PTPRM: variants seen among roughly 807,000 people sequenced by gnomAD.
PTPRM encodes protein tyrosine phosphatase receptor type M.
Under a neutral mutation model 186.7 loss-of-function variants are expected in PTPRM, and 47 were observed. The ratio of observed to expected loss-of-function variants is 0.25; its 90% CI spans 0.20 to 0.32. PTPRM has a LOEUF of 0.32. Among genes scored for constraint, PTPRM ranks in the 10% least tolerant of loss-of-function variants. The pLI, the probability that PTPRM is intolerant of heterozygous loss-of-function variation, is 1.00. For missense variants in PTPRM, 1,494 were observed against 1,865.0 expected (o/e 0.80, Z 3.66); for synonymous variants, 668 against 674.9 (o/e 0.99, Z 0.16).
chr18:7,841,771 G>A (rs1436558961), intron 2 of PTPRM, among the ~76,000 whole-genome samples: 1 of 152,136 alleles, frequency 6.6e-6, no homozygotes, highest in Non-Finnish European at 1.5e-5. Context: ...CCTTGTAGGT[G>A]ATTTGAGCAT....
intron 5 of PTPRM, among the ~76,000 whole-genome samples, chr18:7,933,985 G>T (rs1440359853): frequency 6.6e-6 from 1 of 152,120 alleles, no homozygotes; most frequent in Non-Finnish European, 1.5e-5. Flanking sequence ...CTTTGCCTAG[G>T]TTTTCTTATT....
intron 22 of PTPRM, among the ~76,000 whole-genome samples, chr18:8,335,458 C>T (rs1360692036): frequency 6.6e-6 from 1 of 152,166 alleles, no homozygotes; most frequent in Non-Finnish European, 1.5e-5. Context: ...AATTATGCAC[C>T]TGCTCTAAAC....
intron 1 of PTPRM, among the ~76,000 whole-genome samples, chr18:7,607,268 A>T (rs563206285): frequency 5.9e-5 from 9 of 152,266 alleles, no homozygotes; most frequent in African/African-American, 1.9e-4. Flanking sequence ...TAGCTTAAGC[A>T]TGTTTATTAC....
chr18:8,380,534 A>C, intron 29 of PTPRM, 107 bp downstream of exon 29: 988 of 1,308,494 alleles, frequency 7.6e-4, no homozygotes, highest in Non-Finnish European at 9.4e-4. Context: ...GCCAGATCTC[A>C]AGTGCCAGTT....
At chr18:8,036,728 C>A (rs1010881628) in intron 7 of PTPRM, among the ~76,000 whole-genome samples, 1 of 152,170 alleles carries the variant, frequency 6.6e-6, no homozygotes, top group Non-Finnish European at 1.5e-5. Flanking sequence ...GACTTCTGCA[C>A]CATTTCCTCC....
At chr18:7,750,383 C>T (rs1019978883) in intron 1 of PTPRM, among the ~76,000 whole-genome samples, 10 of 152,174 alleles carry the variant, frequency 6.6e-5, no homozygotes, top group African/African-American at 2.4e-4. Flanking sequence ...GTAGAATTAA[C>T]CCTTTACCCT....
intron 23 of PTPRM, among the ~76,000 whole-genome samples, chr18:8,368,562 C>T (rs1487890915): frequency 6.6e-6 from 1 of 152,144 alleles, no homozygotes; most frequent in Non-Finnish European, 1.5e-5. Flanking sequence ...ATCTGGTTTA[C>T]GTCTTGCCAA....
intron 1 of PTPRM, among the ~76,000 whole-genome samples, chr18:7,756,131 A>G (rs2041476288): frequency 6.6e-6 from 1 of 152,076 alleles, no homozygotes; most frequent in Admixed American, 6.6e-5. Flanking sequence ...TAGCATTTCA[A>G]TTTTGAAGAG....
At chr18:7,827,419 C>T (rs894825284) in intron 2 of PTPRM, among the ~76,000 whole-genome samples, 1 of 152,172 alleles carries the variant, frequency 6.6e-6, no homozygotes, top group East Asian at 1.9e-4. Context: ...AAATGTGCAT[C>T]TTCACCCCTT....
intron 1 of PTPRM, among the ~76,000 whole-genome samples, chr18:7,697,123 A>G (rs1424194790): frequency 1.3e-5 from 2 of 152,212 alleles, no homozygotes; most frequent in East Asian, 3.8e-4. Context: ...CCATTTTATC[A>G]CTATTGAATG....
At chr18:7,760,431 T>A (rs2041713620) in intron 1 of PTPRM, among the ~76,000 whole-genome samples, 1 of 152,210 alleles carries the variant, frequency 6.6e-6, no homozygotes, top group African/African-American at 2.4e-5. Context: ...CACCAACTTT[T>A]AAGTAAATGA....
At position 8,244,209 on chromosome 18, in the gene PTPRM, T is replaced by C; in HGVS notation, c.2452T>C (p.Ser818Pro). 1 of 1,555,782 alleles carries C rather than the reference T, an allele frequency of 6.4e-7. No individual in the cohort carries two copies. Among genetic ancestry groups the C allele is most frequent in the Non-Finnish European group, 8.6e-7 (1 of 1,158,100 alleles). The change falls in exon 15 of 33, where the codon TCT (serine) becomes CCT (proline). Residue 818 changes from serine to proline, a missense_variant and splice_region_variant. By Grantham distance (74) the Ser-to-Pro change is moderately conservative. Coordinates refer to ENST00000580170, the MANE Select transcript of PTPRM (RefSeq NM_001105244.2). ...FMDTHNLNGR[S>P]VSSPSSFTMK... ...GGACACGCACAATCTGAATGGGAGA[T>C]GTAAGTGCATATGTTTCTTGGCTTC...
rs185281930 is a variant in PTPRM, at chr18:8,299,659, G to A, written c.2842+3204G>A. ...CTCCTAGTAGTTACAGTCTAGTGCA[G>A]GGGGTTGGCAAACTTTTTTCTGTAA... On this transcript the variant is annotated intron_variant, in intron 20 of 32. Transcript: ENST00000580170. Among the ~76,000 whole-genome samples the A allele has an allele frequency of 1.9e-3, 291 of 152,264 alleles. 1 individual carries two copies. Among genetic ancestry groups the A allele is most frequent in the African/African-American group, 6.7e-3 (278 of 41,534 alleles).
intron 11 of PTPRM, among the ~76,000 whole-genome samples, chr18:8,095,556 A>G (rs369848377): frequency 1.6e-4 from 25 of 152,208 alleles, no homozygotes; most frequent in African/African-American, 5.5e-4. Flanking sequence ...GATTCAGGTC[A>G]GGGAAAAAAT....
intron 4 of PTPRM, 82 bp from the exon 5 acceptor site, chr18:7,926,486 A>G: frequency 2.8e-6 from 3 of 1,087,256 alleles, no homozygotes; most frequent in Non-Finnish European, 3.8e-6. Context: ...TGAAAGGCCA[A>G]AAATTTCAGA....
intron 32 of PTPRM, among the ~76,000 whole-genome samples, chr18:8,397,070 A>C (rs1480304265): frequency 6.6e-6 from 1 of 152,234 alleles, no homozygotes; most frequent in Non-Finnish European, 1.5e-5. Context: ...AGCAGCTGAA[A>C]AGAGCAGTGT....
At chr18:7,644,659 T>A (rs1269338421) in intron 1 of PTPRM, among the ~76,000 whole-genome samples, 1 of 151,938 alleles carries the variant, frequency 6.6e-6, no homozygotes, top group African/African-American at 2.4e-5. Flanking sequence ...ATTAAAAAAA[T>A]GCTATTGCAC....
In PTPRM at chr18:7,806,079, G is replaced by A. The variant is rs551355016; in HGVS notation, c.196+31808G>A. On this transcript the variant is annotated intron_variant, in intron 2 of 32. Transcript: ENST00000580170. ...CTGCCAGCCTAGTGGCATACCAGAAGTGGGCTGAGACTTGGGCAGGGCACT... is the reference window on the plus strand; with the variant it reads ...CTGCCAGCCTAGTGGCATACCAGAAATGGGCTGAGACTTGGGCAGGGCACT... Among the ~76,000 whole-genome samples, 7 of 152,326 alleles carry A rather than the reference G, an allele frequency of 4.6e-5. No homozygotes were observed. In the South Asian group the frequency reaches 1.5e-3, roughly 32 times the overall value.
chr18:7,940,779 G>A (rs115563769), intron 5 of PTPRM, among the ~76,000 whole-genome samples: 3,479 of 152,058 alleles, frequency 0.023, 48 homozygotes, highest in African/African-American at 0.044. Flanking sequence ...CCCCATTTTT[G>A]TAATTCATTT....
Sources: gnomAD v4.1 joint callset for allele counts (sites outside exome capture counted in the v4.1 genomes callset) on GRCh38, gnomAD v4.1.1 for gene constraint, MANE v1.5 for transcripts, NCBI Gene and HGNC (gene_info 2026-07-23, HGNC 2026-07-21) for gene names.